UGGT1: variants seen among roughly 807,000 people sequenced by gnomAD.
UGGT1 encodes the protein UDP-glucose:glycoprotein glucosyltransferase 1.
UGGT1 carries 107 observed loss-of-function variants against 203.9 expected under a neutral mutation model. The observed-to-expected ratio is 0.52, with a 90% CI of 0.45 to 0.62. UGGT1 has a LOEUF of 0.62. Ranked by LOEUF, UGGT1 falls within the 20% of genes least tolerant of loss-of-function variation. The probability of loss-of-function intolerance (pLI) is 0.00; values close to 1 mark genes in which losing one functional copy is unlikely to be tolerated. For missense variants in UGGT1, 1,673 were observed against 1,867.2 expected (o/e 0.90, Z 1.92); for synonymous variants, 628 against 653.5 (o/e 0.96, Z 0.59).
At chr2:128,105,242 CTGA>C (rs1687552427) in intron 3 of UGGT1, among the ~76,000 whole-genome samples, 2 of 147,294 alleles carry the variant, frequency 1.4e-5, no homozygotes, top group African/African-American at 5.3e-5. Context: ...TAAAAATTGT[CTGA>C]ATCTTTTTGT....
At chr2:128,112,454 T>TATATATATATATATATATATATATATA (rs1553433490) in intron 5 of UGGT1, among the ~76,000 whole-genome samples, 1 of 55,812 alleles carries the variant, frequency 1.8e-5, no homozygotes, top group Non-Finnish European at 3.8e-5. Context: ...AAATACTATG[T>TATATATATATATATATATATATATATA]TATATATATA....
chr2:128,095,925 C>G (rs1687098388), intron 1 of UGGT1, among the ~76,000 whole-genome samples: 1 of 152,106 alleles, frequency 6.6e-6, no homozygotes, highest in Non-Finnish European at 1.5e-5. Flanking sequence ...TGAGCCTTAC[C>G]AGAGCTAACA....
intron 13 of UGGT1, among the ~76,000 whole-genome samples, chr2:128,130,453 A>C (rs1688820067): frequency 6.6e-6 from 1 of 152,162 alleles, no homozygotes. Context: ...TTGGTGATAT[A>C]ACTTATTTTG....
At chr2:128,165,751 C>G (rs556065782) in intron 26 of UGGT1, among the ~76,000 whole-genome samples, 2 of 151,724 alleles carry the variant, frequency 1.3e-5, no homozygotes, top group East Asian at 3.9e-4. Flanking sequence ...TCTCATTCAT[C>G]TTTTATTGAA....
chr2:128,122,724 A>G (rs1474752406), intron 10 of UGGT1, among the ~76,000 whole-genome samples: 1 of 152,122 alleles, frequency 6.6e-6, no homozygotes, highest in Non-Finnish European at 1.5e-5. Context: ...GATGTGAGAT[A>G]TTTTATAACT....
At chr2:128,102,402 C>A (rs182141051) in intron 2 of UGGT1, among the ~76,000 whole-genome samples, 2 of 152,226 alleles carry the variant, frequency 1.3e-5, no homozygotes, top group Non-Finnish European at 2.9e-5. Flanking sequence ...CCTCAGCCTC[C>A]CAAAGTGCTG....
chr2:128,170,213 A>G (rs2104777617), intron 26 of UGGT1, 75 bp from the exon 27 acceptor site: 1 of 1,195,202 alleles, frequency 8.4e-7, no homozygotes, highest in Admixed American at 1.9e-5. Context: ...AAGAAGGTTG[A>G]AGGTTATATT....
chr2:128,130,288 G>A (rs373786288), intron 13 of UGGT1, among the ~76,000 whole-genome samples: 3 of 151,844 alleles, frequency 2.0e-5, no homozygotes, highest in South Asian at 4.2e-4. Flanking sequence ...TAGAGAATGT[G>A]GGGAATAGTG....
intron 11 of UGGT1, among the ~76,000 whole-genome samples, chr2:128,125,149 A>G (rs1267373245): frequency 1.3e-5 from 2 of 152,060 alleles, no homozygotes; most frequent in Non-Finnish European, 2.9e-5. Context: ...AGTAGGGAAG[A>G]GCGTTTGGTG....
At chr2:128,134,453 G>T (rs1171385432) in intron 14 of UGGT1, among the ~76,000 whole-genome samples, 2 of 152,186 alleles carry the variant, frequency 1.3e-5, no homozygotes, top group African/African-American at 4.8e-5. Context: ...TGCTTAACAC[G>T]TAATACGTGT....
intron 7 of UGGT1, 142 bp downstream of exon 7, chr2:128,115,362 C>T (rs1263233119): frequency 3.1e-6 from 2 of 642,046 alleles, no homozygotes; most frequent in East Asian, 5.9e-5. Context: ...AGTGGGTGAC[C>T]CTTAAGCAGA....
At chr2:128,098,304 C>T (rs1475513135) in intron 2 of UGGT1, among the ~76,000 whole-genome samples, 6 of 152,154 alleles carry the variant, frequency 3.9e-5, no homozygotes, top group Non-Finnish European at 8.8e-5. Context: ...CGGTGGCTCA[C>T]GCCTATAATC....
chr2:128,106,737 A>G (rs996869352), intron 3 of UGGT1, among the ~76,000 whole-genome samples: 8 of 152,034 alleles, frequency 5.3e-5, no homozygotes, highest in Non-Finnish European at 1.2e-4. Context: ...TTTAATAGAG[A>G]TGGGGTTTCA....
At chr2:128,108,159 C>T in intron 4 of UGGT1, 91 bp downstream of exon 4, 1 of 1,420,854 alleles carries the variant, frequency 7.0e-7, no homozygotes, top group Non-Finnish European at 9.4e-7. Context: ...AATTACAGAG[C>T]TATTATCACT....
intron 12 of UGGT1, among the ~76,000 whole-genome samples, chr2:128,128,218 C>T (rs972629348): frequency 1.3e-5 from 2 of 152,052 alleles, no homozygotes; most frequent in African/African-American, 4.8e-5. Flanking sequence ...GGGTGGGTAG[C>T]AGACAGGCAC....
chr2:128,097,450 T>A lies in UGGT1; in HGVS notation c.80T>A (p.Val27Asp), dbSNP rs1480424992. ...PVTGVCYKMG[V>D]LVVLTVLWLF... ...TTAGGAGTTTGCTATAAAATGGGAG[T>A]TCTGGTTGTACTCACTGTTCTGTGG... The change falls in exon 2 of 41, where the codon GTT becomes GAT. Residue 27 changes from valine (V) to aspartate (D), a missense_variant. Val to Asp is a radical substitution (Grantham distance 152, BLOSUM62 -3). Transcript: ENST00000259253. 1 of 1,612,338 alleles carries A rather than the reference T, an allele frequency of 6.2e-7. No homozygotes were observed. Among genetic ancestry groups the A allele is most frequent in the Admixed American group, 1.7e-5 (1 of 59,338 alleles).
At chr2:128,160,907 C>T (rs550944998) in intron 24 of UGGT1, among the ~76,000 whole-genome samples, 15 of 152,256 alleles carry the variant, frequency 9.9e-5, no homozygotes, top group Admixed American at 6.5e-4. Context: ...AACTACTTTA[C>T]GATTTTATTT....
At position 128,152,811 on chromosome 2, in the gene UGGT1, G is replaced by A; in HGVS notation, c.2044G>A (p.Val682Ile). 1.2e-6 allele frequency: 2 copies of A among 1,613,356 alleles called. No individual in the cohort carries two copies. The highest frequency in any genetic ancestry group is 1.7e-6 in the Non-Finnish European group (2 of 1,179,760). ...LGELPHDQDVVEYIMNQPNVV... is the reference protein window; with the variant it reads ...LGELPHDQDVIEYIMNQPNVV... ...TGAACTGCCCCATGATCAAGATGTG[G>A]TAGAGTATATCATGAATCAGCCAAA... Residue 682 changes from valine to isoleucine, a missense_variant, in exon 19 of 41, where the codon GTA becomes ATA. By Grantham distance (29) the Val-to-Ile change is conservative (BLOSUM62 3). Transcript: ENST00000259253.
intron 8 of UGGT1, among the ~76,000 whole-genome samples, chr2:128,117,475 A>C (rs1688161968): frequency 6.6e-6 from 1 of 152,188 alleles, no homozygotes; most frequent in Non-Finnish European, 1.5e-5. Context: ...CATTTAATGA[A>C]AGCATCATCA....
Sources: allele counts gnomAD v4.1 joint callset (sites outside exome capture counted in the v4.1 genomes callset), GRCh38; gene constraint gnomAD v4.1.1; transcripts MANE v1.5; gene names NCBI Gene and HGNC (gene_info 2026-07-23, HGNC 2026-07-21).